RTN4RL1: variants seen among roughly 807,000 people sequenced by gnomAD.
The protein encoded by RTN4RL1 is reticulon-4 receptor-like 1.
A neutral mutation model predicts 25.6 loss-of-function variants in RTN4RL1; 7 were observed. The observed-to-expected ratio is 0.27, with a 90% CI of 0.16 to 0.51. The LOEUF (loss-of-function observed/expected upper bound fraction) is 0.51, where lower values mean the gene tolerates loss of function less well. Ranked by LOEUF, RTN4RL1 falls within the 20% of genes least tolerant of loss-of-function variation. The pLI, the probability that RTN4RL1 is intolerant of heterozygous loss-of-function variation, is 0.97. For synonymous variants in RTN4RL1, 297 were observed against 288.2 expected, an observed-to-expected ratio of 1.03 and a Z score of -0.31; for missense variants, 500 against 615.6, an observed-to-expected ratio of 0.81 and a Z score of 1.99.
chr17:1,943,664 C>T (rs531932954), intron 1 of RTN4RL1, among the ~76,000 whole-genome samples: 3 of 152,340 alleles, frequency 2.0e-5, no homozygotes, highest in South Asian at 2.1e-4. Context: ...GGGCTGCTGG[C>T]GCCTTAGGCT....
In RTN4RL1 at chr17:1,994,232, G is replaced by C. The variant is rs1356655938; in HGVS notation, c.13+30621C>G. Among the ~76,000 whole-genome samples, 2 of 152,066 alleles carry C rather than the reference G, an allele frequency of 1.3e-5. No individual in the cohort carries two copies. The highest frequency in any genetic ancestry group is 2.4e-5 in the African/African-American group (1 of 41,396). On this transcript the variant is annotated intron_variant, in intron 1 of 1. Transcript: ENST00000331238. The surrounding 1 kb of genome is among the most constrained non-coding windows in gnomAD (Gnocchi z 4.3). ...CTTGAGGGGGAAGTGATGGGCAAGAGCTGGGGAGGACAAAGCGGCTTTCAC... is the reference window on the plus strand; with the variant it reads ...CTTGAGGGGGAAGTGATGGGCAAGACCTGGGGAGGACAAAGCGGCTTTCAC...
At chr17:2,023,963 G>A (rs1243170436) in intron 1 of RTN4RL1, among the ~76,000 whole-genome samples, 3 of 152,140 alleles carry the variant, frequency 2.0e-5, no homozygotes, top group Non-Finnish European at 4.4e-5. Context: ...GCCTGCTCGG[G>A]CCTGGGAGGG....
At chr17:2,023,572 G>A (rs2067237169) in intron 1 of RTN4RL1, 1 of 152,350 alleles carries the variant, frequency 6.6e-6, no homozygotes, top group African/African-American at 2.4e-5. Flanking sequence ...CCAAAGGCGT[G>A]GTTCCTCCAC....
chr17:1,949,810 T>C (rs995576505), intron 1 of RTN4RL1, among the ~76,000 whole-genome samples: 2 of 152,124 alleles, frequency 1.3e-5, no homozygotes, highest in Non-Finnish European at 2.9e-5. Context: ...AGGGTTGAGA[T>C]AGAGACAAAG....
At chr17:2,007,473 A>G (rs1597241896) in intron 1 of RTN4RL1, among the ~76,000 whole-genome samples, 1 of 151,678 alleles carries the variant, frequency 6.6e-6, no homozygotes, top group South Asian at 2.1e-4. Flanking sequence ...TCTGGCCTTC[A>G]CCCAGCCAGC....
At chr17:1,960,839 AC>A (rs559639972) in intron 1 of RTN4RL1, among the ~76,000 whole-genome samples, 1 of 152,086 alleles carries the variant, frequency 6.6e-6, no homozygotes, top group African/African-American at 2.4e-5. Context: ...GACGGTTCCC[AC>A]GGGGCCCTCT....
intron 1 of RTN4RL1, among the ~76,000 whole-genome samples, chr17:1,956,444 G>C (rs1915795642): frequency 6.6e-6 from 1 of 151,776 alleles, no homozygotes; most frequent in Non-Finnish European, 1.5e-5. Flanking sequence ...GCCTGGTGGG[G>C]GGGCGGGTTC....
chr17:2,008,908 G>GTGTGGCTTCTCTCTCCTAGCAGGT (rs1567525238), intron 1 of RTN4RL1, among the ~76,000 whole-genome samples: 2 of 151,974 alleles, frequency 1.3e-5, no homozygotes, highest in Non-Finnish European at 2.9e-5. Flanking sequence ...CTTATCCAGG[G>GTGTGGCTTCTCTCTCCTAGCAGGT]TGTGGCTTCT....
At chr17:1,943,664 C>A (rs531932954) in intron 1 of RTN4RL1, among the ~76,000 whole-genome samples, 1 of 152,222 alleles carries the variant, frequency 6.6e-6, no homozygotes, top group Non-Finnish European at 1.5e-5. Context: ...GGGCTGCTGG[C>A]GCCTTAGGCT....
intron 1 of RTN4RL1, among the ~76,000 whole-genome samples, chr17:2,003,964 G>A (rs574117377): frequency 2.7e-3 from 414 of 152,294 alleles, no homozygotes; most frequent in Middle Eastern, 0.01. Flanking sequence ...CCAGCTACTC[G>A]GGAGGCTGAG....
chr17:2,014,898 G>T (rs1262914332), intron 1 of RTN4RL1, among the ~76,000 whole-genome samples: 5 of 152,074 alleles, frequency 3.3e-5, no homozygotes, highest in Non-Finnish European at 7.3e-5. Context: ...CTGGAGCTCA[G>T]AGTTCAAAGC....
chr17:1,966,197 A>C (rs555832348), intron 1 of RTN4RL1, among the ~76,000 whole-genome samples: 1 of 152,288 alleles, frequency 6.6e-6, no homozygotes, highest in South Asian at 2.1e-4. Context: ...GTACAGTGAC[A>C]TGTGTCCAAG....
At chr17:1,942,320 C>T (rs1057151865) in intron 1 of RTN4RL1, among the ~76,000 whole-genome samples, 17 of 151,398 alleles carry the variant, frequency 1.1e-4, no homozygotes, top group African/African-American at 9.7e-5. Context: ...GCCTGAGCCC[C>T]GGGGTGTGGG....
chr17:1,977,966 C>G (rs2066850290), intron 1 of RTN4RL1, among the ~76,000 whole-genome samples: 2 of 151,262 alleles, frequency 1.3e-5, no homozygotes, highest in South Asian at 4.2e-4. Context: ...GCATCCTGCA[C>G]CCCGCACCCC....
At chr17:1,997,457 T>TACTTATTA (rs1413441401) in intron 1 of RTN4RL1, among the ~76,000 whole-genome samples, 1 of 152,244 alleles carries the variant, frequency 6.6e-6, no homozygotes, top group Non-Finnish European at 1.5e-5. Context: ...CGCATGTGTT[T>TACTTATTA]ACTTATTAAC....
chr17:2,023,684 C>T (rs1434717181), intron 1 of RTN4RL1: 3 of 142,240 alleles, frequency 2.1e-5, no homozygotes, highest in Admixed American at 1.4e-4. Context: ...TCCCCAACCT[C>T]CCCCCCCTCC....
Position 1,965,933 on chromosome 17 carries a change from AG to A in RTN4RL1, c.14-28126del, listed in dbSNP as rs1330092081. 2.0e-5 allele frequency among the ~76,000 whole-genome samples: 3 copies of A among 152,176 alleles called. No individual in the cohort carries two copies. The East Asian group carries it at 5.8e-4, about 29-fold the overall frequency. Reference sequence around the variant, plus strand: ...GGCTCGCTCTCTTTCCCTGCTTCAAAGCCCAGAACACCCTCTCAGGCTCCCC... The same window carrying A: ...GGCTCGCTCTCTTTCCCTGCTTCAAACCCAGAACACCCTCTCAGGCTCCCC... On this transcript the variant is annotated intron_variant, in intron 1 of 1. Coordinates refer to ENST00000331238, the MANE Select transcript of RTN4RL1 (RefSeq NM_178568.4).
intron 1 of RTN4RL1, among the ~76,000 whole-genome samples, chr17:1,960,630 C>A (rs997935094): frequency 6.6e-6 from 1 of 152,146 alleles, no homozygotes; most frequent in African/African-American, 2.4e-5. Context: ...AGCATATTCG[C>A]AACTATCATC....
At chr17:1,949,212 C>T (rs1381790030) in intron 1 of RTN4RL1, among the ~76,000 whole-genome samples, 13 of 152,186 alleles carry the variant, frequency 8.5e-5, no homozygotes, top group African/African-American at 3.1e-4. Context: ...CTGCCCGCCT[C>T]GGCCTCCCTA....
Sources: allele counts gnomAD v4.1 joint callset (sites outside exome capture counted in the v4.1 genomes callset), GRCh38; gene constraint gnomAD v4.1.1; non-coding constraint Gnocchi (gnomAD v3.1); transcripts MANE v1.5; gene names NCBI Gene and HGNC (gene_info 2026-07-23, HGNC 2026-07-21).